The following CFAP54 variants were observed in gnomAD, a reference collection of about 807,000 sequenced individuals.
The protein encoded by CFAP54 is cilia- and flagella-associated protein 54.
CFAP54 carries 290 observed loss-of-function variants against 370.4 expected under a neutral mutation model. The ratio of observed to expected loss-of-function variants is 0.78; its 90% confidence interval spans 0.71 to 0.86. The LOEUF (loss-of-function observed/expected upper bound fraction) is 0.86. Among genes scored for constraint, CFAP54 ranks in the 40% least tolerant of loss-of-function variants. The probability of loss-of-function intolerance (pLI) is 0.00; values close to 1 mark genes in which losing one functional copy is unlikely to be tolerated. For synonymous variants in CFAP54, 1,206 were observed against 1,236.5 expected, an observed-to-expected ratio of 0.98 and a Z score of 0.52; for missense variants, 3,399 against 3,528.7, an observed-to-expected ratio of 0.96 and a Z score of 0.93.
At chr12:96,576,319 C>T (rs1039127913) in intron 19 of CFAP54, among the ~76,000 whole-genome samples, 1 of 151,306 alleles carries the variant, frequency 6.6e-6, no homozygotes, top group African/African-American at 2.4e-5. Context: ...TGTACTACCT[C>T]ATATTCATGT....
intron 50 of CFAP54, among the ~76,000 whole-genome samples, chr12:96,738,337 C>T (rs747457293): frequency 1.3e-5 from 2 of 152,072 alleles, no homozygotes; most frequent in Admixed American, 6.6e-5. Context: ...ACTGTTGTAG[C>T]AAAGTACCAA....
chr12:96,748,291 A>G (rs1958140421), intron 55 of CFAP54, among the ~76,000 whole-genome samples: 1 of 152,120 alleles, frequency 6.6e-6, no homozygotes, highest in Non-Finnish European at 1.5e-5. Context: ...TTACTGAGAT[A>G]ATTTAGTACT....
intron 40 of CFAP54, among the ~76,000 whole-genome samples, chr12:96,683,068 G>A (rs916828490): frequency 6.6e-6 from 1 of 151,984 alleles, no homozygotes; most frequent in African/African-American, 2.4e-5. Flanking sequence ...ATTTTATGAT[G>A]CCCCTTTTAT....
intron 67 of CFAP54, among the ~76,000 whole-genome samples, chr12:96,871,354 T>C (rs1960161891): frequency 6.6e-6 from 1 of 152,212 alleles, no homozygotes; most frequent in Admixed American, 6.5e-5. Flanking sequence ...AGAATAAGGA[T>C]TTTAGAACCA....
chr12:96,565,977 A>G (rs947241931), intron 19 of CFAP54, among the ~76,000 whole-genome samples: 1 of 152,088 alleles, frequency 6.6e-6, no homozygotes, highest in Non-Finnish European at 1.5e-5. Context: ...TTCTCGCAAG[A>G]TCTGATAGTT....
chr12:96,614,460 G>C (rs898318606), intron 26 of CFAP54, among the ~76,000 whole-genome samples: 1 of 152,206 alleles, frequency 6.6e-6, no homozygotes, highest in Non-Finnish European at 1.5e-5. Context: ...GCACAAGACA[G>C]GGATGCCCTC....
intron 22 of CFAP54, 59 bp from the exon 23 acceptor site, chr12:96,589,368 T>G: frequency 2.3e-6 from 3 of 1,309,774 alleles, no homozygotes; most frequent in Non-Finnish European, 3.1e-6. Flanking sequence ...TAAGAATTAT[T>G]GTTTAAAACA....
At position 96,527,371 on chromosome 12, in the gene CFAP54, C is replaced by T. The variant is rs1227194387; in HGVS notation, c.1284C>T (p.Pro428=). The T allele has an allele frequency of 6.5e-7, 1 of 1,535,154 alleles. No homozygotes were observed. Among genetic ancestry groups the T allele is most frequent in the Non-Finnish European group, 8.7e-7 (1 of 1,146,366 alleles). ...DSNRRILQTG[P]IVTDEVEIHD... ...ATAGGCGAATACTGCAAACTGGACCCATTGTTACAGATGAAGTGGAGATTC... is the reference window on the plus strand; with the variant it reads ...ATAGGCGAATACTGCAAACTGGACCTATTGTTACAGATGAAGTGGAGATTC... Residue 428 remains proline (P), a synonymous_variant, in exon 9 of 68, where the codon CCC becomes CCT. Coordinates refer to ENST00000524981, the MANE Select transcript of CFAP54 (RefSeq NM_001306084.2).
At position 96,651,161 on chromosome 12, in the gene CFAP54, A is replaced by G. The variant is rs989956324; in HGVS notation, c.4873-427A>G. Among the ~76,000 whole-genome samples, 5 of 152,256 alleles carry G rather than the reference A, an allele frequency of 3.3e-5. No individual in the cohort carries two copies. In the East Asian group the frequency reaches 7.7e-4, roughly 23 times the overall value. On this transcript the variant is annotated intron_variant, in intron 35 of 67. Coordinates refer to ENST00000524981, the MANE Select transcript of CFAP54 (RefSeq NM_001306084.2). The stretch of plus-strand genomic sequence containing the variant: ...GTAATGCTCTGTCAGGTTCCAACTC[A>G]TTTCTGCTTTATTTTTCTTTATAAA...
chr12:96,511,316 T>C (rs960202477), intron 4 of CFAP54, among the ~76,000 whole-genome samples: 5 of 152,156 alleles, frequency 3.3e-5, no homozygotes, highest in African/African-American at 4.8e-5. Flanking sequence ...TCTCACAAAC[T>C]TTTTATTTAT....
At chr12:96,711,622 C>G (rs1957615481) in intron 48 of CFAP54, among the ~76,000 whole-genome samples, 2 of 152,212 alleles carry the variant, frequency 1.3e-5, no homozygotes, top group Non-Finnish European at 2.9e-5. Context: ...ATACCACAGA[C>G]TTGCAGTACT....
chr12:96,519,675 T>G (rs1955281498), intron 6 of CFAP54, among the ~76,000 whole-genome samples: 1 of 152,264 alleles, frequency 6.6e-6, no homozygotes, highest in Non-Finnish European at 1.5e-5. Flanking sequence ...AAATAATAAT[T>G]GTATATACTT....
At chr12:96,651,510 T>C (rs1377424867) in intron 35 of CFAP54, 78 bp from the exon 36 acceptor site, 5 of 1,170,862 alleles carry the variant, frequency 4.3e-6, no homozygotes, top group Non-Finnish European at 6.2e-6. Context: ...ACACATAATA[T>C]TTGGAAAAAG....
intron 65 of CFAP54, 139 bp from the exon 66 acceptor site, chr12:96,828,875 T>A (rs1959157257): frequency 2.3e-6 from 1 of 431,184 alleles, no homozygotes; most frequent in Non-Finnish European, 4.1e-6. Context: ...TTATGATTTC[T>A]GAGCCCTCTG....
intron 9 of CFAP54, among the ~76,000 whole-genome samples, chr12:96,529,050 A>G (rs1955413078): frequency 6.6e-6 from 1 of 152,282 alleles, no homozygotes; most frequent in Middle Eastern, 3.4e-3. Context: ...GAACCAAAAT[A>G]TGGGAGATTT....
At chr12:96,636,516 T>G (rs1358848389) in intron 32 of CFAP54, among the ~76,000 whole-genome samples, 1 of 152,216 alleles carries the variant, frequency 6.6e-6, no homozygotes, top group Non-Finnish European at 1.5e-5. Context: ...CTCTCGTATT[T>G]TTGTCATTTG....
intron 26 of CFAP54, among the ~76,000 whole-genome samples, chr12:96,601,830 A>G (rs1222516989): frequency 6.6e-6 from 1 of 151,916 alleles, no homozygotes; most frequent in Non-Finnish European, 1.5e-5. Flanking sequence ...TATTGCATCT[A>G]TTTGATTCTT....
intron 1 of CFAP54, among the ~76,000 whole-genome samples, chr12:96,497,237 A>G (rs577175278): frequency 2.6e-5 from 4 of 152,308 alleles, no homozygotes; most frequent in Admixed American, 1.3e-4. Flanking sequence ...AATCAACTGT[A>G]TCTTTGGGAT....
intron 22 of CFAP54, among the ~76,000 whole-genome samples, chr12:96,583,650 AC>A: frequency 6.6e-6 from 1 of 152,286 alleles, no homozygotes; most frequent in South Asian, 2.1e-4. Context: ...CCTCTGCCAA[AC>A]CCACTGTATC....
Sources: gnomAD v4.1 joint callset for allele counts (sites outside exome capture counted in the v4.1 genomes callset) on GRCh38, gnomAD v4.1.1 for gene constraint, MANE v1.5 for transcripts, NCBI Gene and HGNC (gene_info 2026-07-23, HGNC 2026-07-21) for gene names.